KLK6: variants seen among roughly 807,000 people sequenced by gnomAD.
The protein encoded by KLK6 is kallikrein-6.
In KLK6, 16 loss-of-function variants were observed where a neutral mutation model predicts 21.7. The ratio of observed to expected loss-of-function variants is 0.74; its 90% CI spans 0.50 to 1.12. The LOEUF (loss-of-function observed/expected upper bound fraction) is 1.12, where lower values mean the gene tolerates loss of function less well. Ranked by LOEUF, KLK6 falls within the 50% of genes most tolerant of loss-of-function variation. The pLI is 0.00. For missense variants in KLK6, 276 were observed against 304.6 expected, an observed-to-expected ratio of 0.91 and a Z score of 0.70; for synonymous variants, 116 against 120.1, an observed-to-expected ratio of 0.97 and a Z score of 0.22.
At position 50,958,915 on chromosome 19, in the gene KLK6, T is replaced by C. The variant is rs2090759224; in HGVS notation, c.*249A>G. ...GGGAGAGGAGATGCCTAGAAGGGAT[T>C]TTCCTGTATTCTCTTAGTGGTGGGG... On this transcript the variant is annotated 3_prime_UTR_variant, in exon 7 of 7. Transcript: ENST00000310157. 1.4e-5 allele frequency: 7 copies of C among 508,760 alleles called. No individual in the cohort carries two copies. The South Asian group carries it at 1.9e-4, about 14-fold the overall frequency. 31.5% of individuals were successfully genotyped at this position (508,760 alleles called of 1,614,324 possible). A position where few individuals can be genotyped will look rare whatever the true frequency, so the allele number is the denominator to read the frequency against.
rs1309479084 is a variant in KLK6 at position 50,959,209 on chromosome 19, G to A, written c.690C>T (p.Val230=). The change falls in exon 7 of 7, where the codon GTC becomes GTT. Residue 230 remains valine (V), a synonymous_variant. Transcript: ENST00000310157. ...TTTGGATCCAGTTCGTGTATCTGCA[G>A]ACGTTGGTGTAGACTCCTGGCTTCT... ...SKEKPGVYTN[V]CRYTNWIQKT... 6.2e-7 allele frequency: 1 copy of A among 1,614,156 alleles called. No individual in the cohort carries two copies. Among genetic ancestry groups the A allele is most frequent in the Admixed American group, 1.7e-5 (1 of 59,998 alleles).
At chr19:50,961,592 CT>C (rs1478754573) in intron 6 of KLK6, 151 bp downstream of exon 6, 1 of 852,790 alleles carries the variant, frequency 1.2e-6, no homozygotes, top group African/African-American at 1.7e-5. Flanking sequence ...TAAGTCTCTT[CT>C]TTTCAAGGCT....
At chr19:50,966,271 C>T (rs892539183) in intron 4 of KLK6, among the ~76,000 whole-genome samples, 4 of 152,198 alleles carry the variant, frequency 2.6e-5, no homozygotes, top group East Asian at 1.9e-4. Context: ...GACAAATACA[C>T]GGAAGCCAGC....
In KLK6 at chr19:50,961,792, C is replaced by T. The variant is rs762623332; in HGVS notation, c.534G>A (p.Gln178=). The part of the protein sequence containing the change: ...CEHAYPGQIT[Q]NMLCAGDEKY... ...TCTCATCCCCAGCACACAACATGTT[C>T]TGGGTGATCTGGCCAGGGTAGGCAT... Residue 178 remains glutamine, a synonymous_variant, in exon 6 of 7, where the codon CAG becomes CAA. Transcript: ENST00000310157. 1 of 1,614,046 alleles carries T rather than the reference C, an allele frequency of 6.2e-7. No individual in the cohort carries two copies. Among genetic ancestry groups the T allele is most frequent in the Non-Finnish European group, 8.5e-7 (1 of 1,179,946 alleles).
chr19:50,959,172 C>T lies in KLK6; in HGVS notation c.727G>A (p.Ala243Thr). The T allele has an allele frequency of 6.2e-7, 1 of 1,614,048 alleles. No homozygotes were observed. The highest frequency in any genetic ancestry group is 8.5e-7 in the Non-Finnish European group (1 of 1,179,972). ...GATGTCACATGTCAGGGTCACTTGG[C>T]CTGAATGGTTTTTTGGATCCAGTTC... ...YTNWIQKTIQ[A>T]K Residue 243 changes from alanine (A) to threonine (T), a missense_variant, in exon 7 of 7, where the codon GCC becomes ACC. Physicochemically the swap from Ala to Thr is moderately conservative, Grantham distance 58. Coordinates refer to ENST00000310157, the MANE Select transcript of KLK6 (RefSeq NM_002774.4).
Position 50,959,225 on chromosome 19 carries a change from C to A in KLK6, c.674G>T (p.Gly225Val), listed in dbSNP as rs142962798. The A allele has an allele frequency of 6.2e-7, 1 of 1,613,576 alleles. No individual in the cohort carries two copies. The highest frequency in any genetic ancestry group is 1.3e-5 in the African/African-American group (1 of 74,808). ...NIPCGSKEKP[G>V]VYTNVCRYTN... ...GTATCTGCAGACGTTGGTGTAGACT[C>A]CTGGCTTCTCCTTTGATCCACAGGG... Residue 225 changes from glycine to valine, a missense_variant, in exon 7 of 7, where the codon GGA becomes GTA. By Grantham distance (109) the Gly-to-Val change is moderately radical. Coordinates refer to ENST00000310157, the MANE Select transcript of KLK6 (RefSeq NM_002774.4).
At chr19:50,965,918 T>C (rs1160458325) in intron 4 of KLK6, among the ~76,000 whole-genome samples, 1 of 152,182 alleles carries the variant, frequency 6.6e-6, no homozygotes, top group Non-Finnish European at 1.5e-5. Flanking sequence ...ATCAAACAAG[T>C]GGCAGCTGTC....
chr19:50,967,180 G>A lies in KLK6; in HGVS notation c.186C>T (p.His62=). 1.2e-6 allele frequency: 2 copies of A among 1,612,698 alleles called. No homozygotes were observed. ...CAGTGTAGACTCACGGTTTTTTGCAGTGGGCAGCTGTGAGGACCCACAGTG... is the reference window on the plus strand; with the variant it reads ...CAGTGTAGACTCACGGTTTTTTGCAATGGGCAGCTGTGAGGACCCACAGTG... The part of the protein sequence containing the change: ...IHPLWVLTAA[H]CKKPNLQVFL... The change falls in exon 4 of 7, where the codon CAC becomes CAT. Residue 62 remains histidine (H), a synonymous_variant. Transcript: ENST00000310157.
chr19:50,966,716 G>A (rs1303655053), intron 4 of KLK6, among the ~76,000 whole-genome samples: 5 of 152,158 alleles, frequency 3.3e-5, no homozygotes, highest in South Asian at 2.1e-4. Flanking sequence ...CAGGAGAATC[G>A]CTGGAACCTG....
Position 50,961,743 on chromosome 19 carries a change from C to G in KLK6, c.582+1G>C. On this transcript the variant is annotated splice_donor_variant, in intron 6 of 6. Transcript: ENST00000310157. LOFTEE classifies it high-confidence loss of function. ...TAAGTGGCAGATCCGGGTCACCTCACCTGGCAGGAATCCTTCCCGTACTTC... is the reference window on the plus strand; with the variant it reads ...TAAGTGGCAGATCCGGGTCACCTCAGCTGGCAGGAATCCTTCCCGTACTTC... The G allele has an allele frequency of 6.2e-7, 1 of 1,612,990 alleles. No homozygotes were observed. The highest frequency in any genetic ancestry group is 2.2e-5 in the East Asian group (1 of 44,876).
chr19:50,968,186 C>T, intron 2 of KLK6, 74 bp from the exon 3 acceptor site: 1 of 1,333,200 alleles, frequency 7.5e-7, no homozygotes, highest in Non-Finnish European at 1.1e-6. Flanking sequence ...GCTCCCTCTG[C>T]ATCCTCTCCT....
Position 50,963,453 on chromosome 19 carries a change from A to G in KLK6, c.294T>C (p.Tyr98=). ...TGTCCTGGTCATGGCTGGCGGCATC[A>G]TAGTCAGGGTGGATCACAGCCCGGA... ...SVVRAVIHPD[Y]DAASHDQDIM... Residue 98 remains tyrosine (Y), a synonymous_variant, in exon 5 of 7, where the codon TAT becomes TAC. Transcript: ENST00000310157. The G allele has an allele frequency of 1.2e-6, 2 of 1,614,210 alleles. No homozygotes were observed. The highest frequency in any genetic ancestry group is 1.7e-6 in the Non-Finnish European group (2 of 1,180,038).
chr19:50,962,493 T>C (rs1034786859), intron 5 of KLK6: 1 of 152,550 alleles, frequency 6.6e-6, no homozygotes, highest in African/African-American at 2.4e-5. Flanking sequence ...CCTCCAATGG[T>C]CTACCTTCCT....
At chr19:50,962,255 T>G in intron 5 of KLK6, 2 of 206,936 alleles carry the variant, frequency 9.7e-6, no homozygotes, top group East Asian at 1.5e-4. Flanking sequence ...CGCCCTCCTC[T>G]ACTGTACCCC....
chr19:50,962,740 T>C (rs2090863209), intron 5 of KLK6: 1 of 154,176 alleles, frequency 6.5e-6, no homozygotes, highest in African/African-American at 2.4e-5. Context: ...ACCTTTCTTA[T>C]TGGCCCTTCA....
chr19:50,966,715 C>T (rs141962889), intron 4 of KLK6, among the ~76,000 whole-genome samples: 65 of 152,250 alleles, frequency 4.3e-4, no homozygotes, highest in African/African-American at 1.3e-3. Flanking sequence ...GCAGGAGAAT[C>T]GCTGGAACCT....
At chr19:50,965,579 T>C (rs1465731675) in intron 4 of KLK6, among the ~76,000 whole-genome samples, 1 of 152,114 alleles carries the variant, frequency 6.6e-6, no homozygotes, top group Non-Finnish European at 1.5e-5. Context: ...TGCCCAGCCC[T>C]CACTTTGCTT....
chr19:50,964,493 G>A (rs1425001396), intron 4 of KLK6, among the ~76,000 whole-genome samples: 1 of 152,210 alleles, frequency 6.6e-6, no homozygotes, highest in East Asian at 1.9e-4. Flanking sequence ...AGGTGGCTGG[G>A]GGAACCACAA....
At chr19:50,960,910 C>G (rs975140447) in intron 6 of KLK6, among the ~76,000 whole-genome samples, 1 of 152,106 alleles carries the variant, frequency 6.6e-6, no homozygotes, top group Non-Finnish European at 1.5e-5. Context: ...GGACTACAGG[C>G]GCCTGCCACC....
Sources: gnomAD v4.1 joint callset for allele counts (sites outside exome capture counted in the v4.1 genomes callset) on GRCh38, gnomAD v4.1.1 for gene constraint, MANE v1.5 for transcripts, NCBI Gene and HGNC (gene_info 2026-07-23, HGNC 2026-07-21) for gene names.